Variants in PCDHGB7 observed in about 807,000 individuals in gnomAD.
The protein encoded by PCDHGB7 is protocadherin gamma subfamily B, 7.
In PCDHGB7, 37 loss-of-function variants were observed where a neutral mutation model predicts 61.4. That is an observed-to-expected ratio of 0.60 (90% CI 0.46 to 0.79). The LOEUF is 0.79. Ranked by LOEUF, PCDHGB7 falls within the 30% of genes least tolerant of loss-of-function variation. PCDHGB7 has a pLI of 0.00. For synonymous variants in PCDHGB7, 464 were observed against 503.5 expected (o/e 0.92, Z 1.05); for missense variants, 1,166 against 1,202.5 (o/e 0.97, Z 0.45).
At chr5:141,450,831 T>TA (rs761717068) in intron 1 of PCDHGB7, among the ~76,000 whole-genome samples, 7,796 of 144,584 alleles carry the variant, frequency 0.054, 354 homozygotes, top group African/African-American at 0.12. Context: ...TTATTATTAT[T>TA]TTTTTTTTTT....
In PCDHGB7 at chr5:141,485,053, G is replaced by A. The variant is rs555996081; in HGVS notation, c.2416-9754G>A. On this transcript the variant is annotated intron_variant, in intron 1 of 3. Coordinates refer to ENST00000398594, the MANE Select transcript of PCDHGB7 (RefSeq NM_018927.4). The surrounding 1 kb of genome is among the most constrained non-coding windows in gnomAD (Gnocchi z 5.7). ...GCGCGTAACCCTTGCGGCGCCGGCC[G>A]AACCGCGCCAGAGCTGGCGCGGGGA... 6.9e-5 allele frequency: 57 copies of A among 820,742 alleles called. 2 individuals carry two copies. In the South Asian group the frequency reaches 9.3e-4, roughly 13 times the overall value. 50.8% of individuals were successfully genotyped at this position (820,742 alleles called of 1,614,324 possible).
At chr5:141,504,381 T>C (rs1039838477) in intron 2 of PCDHGB7, among the ~76,000 whole-genome samples, 4 of 152,130 alleles carry the variant, frequency 2.6e-5, no homozygotes, top group Non-Finnish European at 5.9e-5. Context: ...GTGGAGTCGC[T>C]GCCTCACAGA....
At chr5:141,473,682 G>A (rs2099326903) in intron 1 of PCDHGB7, among the ~76,000 whole-genome samples, 1 of 152,186 alleles carries the variant, frequency 6.6e-6, no homozygotes, top group Admixed American at 6.5e-5. Context: ...GGGAAGGGCT[G>A]GGGTTCTGAC....
At chr5:141,420,353 G>C (rs1281948860) in intron 1 of PCDHGB7, 79 bp downstream of exon 1, 1 of 1,382,260 alleles carries the variant, frequency 7.2e-7, no homozygotes, top group African/African-American at 1.5e-5. Context: ...ATTATTTTAA[G>C]ATTCTAGATA....
intron 1 of PCDHGB7, among the ~76,000 whole-genome samples, chr5:141,481,309 T>C (rs577046585): frequency 2.6e-4 from 39 of 152,310 alleles, no homozygotes; most frequent in African/African-American, 9.1e-4. Context: ...GGAAAAACCT[T>C]CCTAAAGCAC....
intron 1 of PCDHGB7, chr5:141,421,694 C>G (rs2096592726): frequency 6.2e-7 from 1 of 1,613,936 alleles, no homozygotes. Flanking sequence ...TTTGCTCTTC[C>G]TAATGCTAGG....
In PCDHGB7 at chr5:141,493,468, T is replaced by C. The variant is rs960204561; in HGVS notation, c.2416-1339T>C. On this transcript the variant is annotated intron_variant, in intron 1 of 3. Transcript: ENST00000398594. The surrounding 1 kb of genome is among the most constrained non-coding windows in gnomAD (Gnocchi z 4.3). ...TGGGGTTCCTTCCCTTTTAGGACCT[T>C]ACATGTGGGGAAAGTCTTCTGTGGC... Among the ~76,000 whole-genome samples the C allele has an allele frequency of 4.6e-5, 7 of 152,144 alleles. No individual in the cohort carries two copies. Among genetic ancestry groups the C allele is most frequent in the African/African-American group, 1.4e-4 (6 of 41,426 alleles).
chr5:141,487,377 C>G lies in PCDHGB7; in HGVS notation c.2416-7430C>G, dbSNP rs758216933. On this transcript the variant is annotated intron_variant, in intron 1 of 3. Coordinates refer to ENST00000398594, the MANE Select transcript of PCDHGB7 (RefSeq NM_018927.4). This position sits in a 1 kb window ranked among gnomAD's most constrained non-coding sequence, Gnocchi z 5.0. ...CCTGCTGGCACCTGTGCCTGTCTCA[C>G]CAGATCTCGAAGGAGGGAGGGGCTT... 6.2e-7 allele frequency: 1 copy of G among 1,614,190 alleles called. No individual in the cohort carries two copies. The highest frequency in any genetic ancestry group is 1.1e-5 in the South Asian group (1 of 91,086).
At position 141,485,321 on chromosome 5, in the gene PCDHGB7, C is replaced by G. The variant is rs780179631; in HGVS notation, c.2416-9486C>G. The G allele has an allele frequency of 6.2e-7, 1 of 1,614,154 alleles. No homozygotes were observed. Among genetic ancestry groups the G allele is most frequent in the Non-Finnish European group, 8.5e-7 (1 of 1,180,024 alleles). On this transcript the variant is annotated intron_variant, in intron 1 of 3. Transcript: ENST00000398594. This position sits in a 1 kb window ranked among gnomAD's most constrained non-coding sequence, Gnocchi z 5.7. The stretch of plus-strand genomic sequence containing the variant: ...AGGGACTTTTGTAGGGAATGTCGCT[C>G]AAGATTTCCTGCTGGATACGGACAG...
At chr5:141,422,709 T>A in intron 1 of PCDHGB7, 1 of 1,603,558 alleles carries the variant, frequency 6.2e-7, no homozygotes, top group Admixed American at 1.7e-5. Flanking sequence ...CTCTGACGGA[T>A]GACACTGTCC....
At chr5:141,466,279 T>A (rs1386803685) in intron 1 of PCDHGB7, among the ~76,000 whole-genome samples, 1 of 152,144 alleles carries the variant, frequency 6.6e-6, no homozygotes, top group Non-Finnish European at 1.5e-5. Flanking sequence ...CAAGCAATCT[T>A]CCCACCTCAG....
chr5:141,430,404 A>C (rs1054341813), intron 1 of PCDHGB7, among the ~76,000 whole-genome samples: 1 of 152,000 alleles, frequency 6.6e-6, no homozygotes, highest in African/African-American at 2.4e-5. Context: ...AAAGCTCACT[A>C]AAGTTTCTAT....
rs768767029 is a variant in PCDHGB7, at chr5:141,477,838, G to A, written c.2416-16969G>A. The A allele has an allele frequency of 6.2e-7, 1 of 1,612,892 alleles. No individual in the cohort carries two copies. The highest frequency in any genetic ancestry group is 1.1e-5 in the South Asian group (1 of 90,982). ...AGGTCCTATATCCTCGGCCAGGTGG[G>A]AGCTCGGTGGAGATGCTGCCTCGAG... On this transcript the variant is annotated intron_variant, in intron 1 of 3. Transcript: ENST00000398594. This position sits in a 1 kb window ranked among gnomAD's most constrained non-coding sequence, Gnocchi z 4.9.
intron 2 of PCDHGB7, among the ~76,000 whole-genome samples, chr5:141,501,876 C>T (rs1463329895): frequency 6.6e-6 from 1 of 152,118 alleles, no homozygotes; most frequent in East Asian, 1.9e-4. Context: ...CGCCTCCTTA[C>T]ACTCCTGATC....
intron 1 of PCDHGB7, chr5:141,422,936 C>T: frequency 6.2e-7 from 1 of 1,614,260 alleles, no homozygotes; most frequent in Non-Finnish European, 8.5e-7. Flanking sequence ...GCCCTCCCCA[C>T]AGACGGCTCC....
chr5:141,466,085 G>T (rs1028177123), intron 1 of PCDHGB7, among the ~76,000 whole-genome samples: 2 of 151,984 alleles, frequency 1.3e-5, no homozygotes, highest in African/African-American at 4.8e-5. Flanking sequence ...TCATGCCACT[G>T]CACTCCAGCC....
chr5:141,426,523 G>A (rs1018320941), intron 1 of PCDHGB7: 14 of 342,474 alleles, frequency 4.1e-5, no homozygotes, highest in African/African-American at 3.0e-4. Flanking sequence ...CGTGAACACG[G>A]AGAATGGGAA....
Position 141,418,575 on chromosome 5 carries a change from C to T in PCDHGB7, c.716C>T (p.Pro239Leu), listed in dbSNP as rs2154547779. The T allele has an allele frequency of 6.2e-7, 1 of 1,614,018 alleles. No individual in the cohort carries two copies. The highest frequency in any genetic ancestry group is 2.2e-5 in the East Asian group (1 of 44,880). The part of the protein sequence containing the change: ...RILVIDANDN[P>L]PVFSQDVYRV... ...CTGGTAATAGATGCCAATGACAACCCCCCAGTGTTCAGCCAGGACGTGTAC... is the reference window on the plus strand; with the variant it reads ...CTGGTAATAGATGCCAATGACAACCTCCCAGTGTTCAGCCAGGACGTGTAC... The change falls in exon 1 of 4, where the codon CCC (proline) becomes CTC (leucine). Residue 239 changes from proline to leucine, a missense_variant. Coordinates refer to ENST00000398594, the MANE Select transcript of PCDHGB7 (RefSeq NM_018927.4).
chr5:141,421,505 G>A (rs745883683), intron 1 of PCDHGB7: 3 of 1,614,058 alleles, frequency 1.9e-6, no homozygotes, highest in South Asian at 1.1e-5. Context: ...AGGATAGACC[G>A]GGAGGAGCTC....
Sources: allele counts gnomAD v4.1 joint callset (sites outside exome capture counted in the v4.1 genomes callset), GRCh38; gene constraint gnomAD v4.1.1; non-coding constraint Gnocchi (gnomAD v3.1); transcripts MANE v1.5; gene names NCBI Gene and HGNC (gene_info 2026-07-23, HGNC 2026-07-21).